Variants in FOXO3 observed in about 807,000 individuals in gnomAD.
FOXO3 encodes forkhead box O3, also known as forkhead box protein O3.
FOXO3 carries 4 observed loss-of-function variants against 41.9 expected under a neutral mutation model. The ratio of observed to expected loss-of-function variants is 0.10; its 90% CI spans 0.05 to 0.22. The LOEUF is 0.22. FOXO3 is among the 10% of genes least tolerant of loss of function. The pLI is 1.00. For missense variants in FOXO3, 534 were observed against 906.8 expected, an observed-to-expected ratio of 0.59 and a Z score of 5.28; for synonymous variants, 318 against 389.3, an observed-to-expected ratio of 0.82 and a Z score of 2.16.
chr6:108,626,972 G>A (rs922964887), intron 1 of FOXO3, among the ~76,000 whole-genome samples: 4 of 152,188 alleles, frequency 2.6e-5, no homozygotes, highest in African/African-American at 9.7e-5. Context: ...GCCCTCTCAT[G>A]TGCTGACATA....
intron 2 of FOXO3, among the ~76,000 whole-genome samples, chr6:108,667,669 T>C (rs565129323): frequency 5.9e-5 from 9 of 152,350 alleles, no homozygotes; most frequent in African/African-American, 1.9e-4. Context: ...GTGATGATAA[T>C]AAATGACTGC....
In FOXO3 at chr6:108,682,855, G is replaced by C. The variant is rs933191890; in HGVS notation, c.*3063G>C. 6.5e-5 allele frequency: 10 copies of C among 152,772 alleles called. No homozygotes were observed. The East Asian group carries it at 1.9e-3, about 29-fold the overall frequency. 9.5% of individuals were successfully genotyped at this position (152,772 alleles called of 1,614,324 possible). On this transcript the variant is annotated 3_prime_UTR_variant, in exon 3 of 3. Transcript: ENST00000406360. ...CTTGGCCTCTAAATAAGCTGCTCTA[G>C]GGAGCCGCCTACTTTTTGATGAGAA... is the stretch of plus-strand genomic sequence containing the variant.
At chr6:108,612,993 CT>C (rs1777405615) in intron 1 of FOXO3, among the ~76,000 whole-genome samples, 1 of 152,138 alleles carries the variant, frequency 6.6e-6, no homozygotes, top group African/African-American at 2.4e-5. Flanking sequence ...TTGTCAGATG[CT>C]TTTTCCTCAC....
chr6:108,626,985 G>C (rs932944627), intron 1 of FOXO3, among the ~76,000 whole-genome samples: 1 of 152,178 alleles, frequency 6.6e-6, no homozygotes, highest in African/African-American at 2.4e-5. Context: ...CTGACATACT[G>C]ATTGATGGTG....
At chr6:108,601,168 C>T (rs1038315124) in intron 1 of FOXO3, among the ~76,000 whole-genome samples, 9 of 151,874 alleles carry the variant, frequency 5.9e-5, no homozygotes, top group Non-Finnish European at 1.5e-5. Context: ...CCACCATGCC[C>T]GGCTAATTTT....
chr6:108,563,349 A>G (rs1407337871), intron 1 of FOXO3, among the ~76,000 whole-genome samples: 1 of 152,240 alleles, frequency 6.6e-6, no homozygotes, highest in African/African-American at 2.4e-5. Flanking sequence ...TATGAGTCTT[A>G]TATTTGGTTT....
intron 1 of FOXO3, among the ~76,000 whole-genome samples, chr6:108,583,932 G>GTGACC (rs1415145061): frequency 0.01 from 1,560 of 152,336 alleles, 30 homozygotes; most frequent in African/African-American, 0.035. Flanking sequence ...CAGATGGTTG[G>GTGACC]AAGTTCTGGT....
At chr6:108,656,002 C>G (rs949190289) in intron 1 of FOXO3, among the ~76,000 whole-genome samples, 1 of 152,098 alleles carries the variant, frequency 6.6e-6, no homozygotes, top group Non-Finnish European at 1.5e-5. Context: ...GTGCTTTCCC[C>G]TGAAATTCCT....
At chr6:108,672,015 G>A (rs1779228437) in intron 2 of FOXO3, among the ~76,000 whole-genome samples, 1 of 152,218 alleles carries the variant, frequency 6.6e-6, no homozygotes, top group South Asian at 2.1e-4. Context: ...GGTGTCCACA[G>A]GGGCTAGCAG....
At chr6:108,650,811 G>A (rs1450319456) in intron 1 of FOXO3, among the ~76,000 whole-genome samples, 3 of 152,158 alleles carry the variant, frequency 2.0e-5, no homozygotes, top group Admixed American at 1.3e-4. Flanking sequence ...TACTGGAAAT[G>A]TCCTTTCTTT....
Position 108,615,997 on chromosome 6 carries a change from T to C in FOXO3, c.622-47458T>C, listed in dbSNP as rs117331555. On this transcript the variant is annotated intron_variant, in intron 1 of 2. Transcript: ENST00000406360. ...CATAGAGTATATTTATAATTTTTTT[T>C]TTTCCTTTGAGAATGAGTCTCACTC... 8.7e-3 allele frequency among the ~76,000 whole-genome samples: 1,329 copies of C among 151,894 alleles called. 12 individuals carry two copies. Among genetic ancestry groups the C allele is most frequent in the Non-Finnish European group, 0.014 (954 of 67,938 alleles).
At chr6:108,592,899 A>G (rs1222625009) in intron 1 of FOXO3, among the ~76,000 whole-genome samples, 4 of 152,162 alleles carry the variant, frequency 2.6e-5, no homozygotes, top group Non-Finnish European at 5.9e-5. Context: ...TTCTTAGTGC[A>G]CTCATTGCTC....
chr6:108,656,619 C>A, intron 1 of FOXO3: 1 of 497,288 alleles, frequency 2.0e-6, no homozygotes, highest in Non-Finnish European at 2.6e-6. Context: ...TGGCACTTCA[C>A]TGAGTAGTTT....
At chr6:108,607,076 C>T (rs1373932328) in intron 1 of FOXO3, among the ~76,000 whole-genome samples, 1 of 152,164 alleles carries the variant, frequency 6.6e-6, no homozygotes, top group Admixed American at 6.5e-5. Context: ...TAATTATTAA[C>T]TTGTATGTTT....
At chr6:108,569,439 C>T (rs923696479) in intron 1 of FOXO3, among the ~76,000 whole-genome samples, 4 of 152,210 alleles carry the variant, frequency 2.6e-5, no homozygotes, top group Non-Finnish European at 4.4e-5. Flanking sequence ...TGATGTACCA[C>T]TCTTGGTAAA....
intron 1 of FOXO3, among the ~76,000 whole-genome samples, chr6:108,606,288 C>T (rs184366322): frequency 1.3e-5 from 2 of 152,298 alleles, no homozygotes; most frequent in Admixed American, 1.3e-4. Flanking sequence ...CTCTCTGAAT[C>T]CAGTTCCACA....
chr6:108,684,415 C>G lies in FOXO3; in HGVS notation c.*4623C>G, dbSNP rs1770986632. On this transcript the variant is annotated 3_prime_UTR_variant, in exon 3 of 3. Transcript: ENST00000406360. ...ATCTGTTTCAATTCCTTGCTCATAT[C>G]CCATATAATCTAGAACTAAATATGG... 6.6e-6 allele frequency: 1 copy of G among 152,042 alleles called. No homozygotes were observed. The highest frequency in any genetic ancestry group is 6.6e-5 in the Admixed American group (1 of 15,262). 9.4% of individuals were successfully genotyped at this position (152,042 alleles called of 1,614,324 possible).
At chr6:108,587,609 C>T (rs1280918124) in intron 1 of FOXO3, among the ~76,000 whole-genome samples, 1 of 152,186 alleles carries the variant, frequency 6.6e-6, no homozygotes, top group Admixed American at 6.5e-5. Context: ...TCAGTGTTGG[C>T]CTTGTTTTTT....
Position 108,663,855 on chromosome 6 carries a change from C to A in FOXO3, c.1022C>A (p.Ala341Glu). 6.2e-7 allele frequency: 1 copy of A among 1,613,786 alleles called. No individual in the cohort carries two copies. Among genetic ancestry groups the A allele is most frequent in the Non-Finnish European group, 8.5e-7 (1 of 1,179,724 alleles). Reference protein sequence around the residue: ...TELDEVQDDDAPLSPMLYSSS... With the variant: ...TELDEVQDDDEPLSPMLYSSS... ...TTGGATGAAGTCCAGGACGATGATG[C>A]GCCTCTCTCGCCCATGCTCTACAGC... Residue 341 changes from alanine (A) to glutamate (E), a missense_variant, in exon 2 of 3, where the codon GCG becomes GAG. This residue lies in a region of FOXO3 where 185 missense variants were observed against 224.9 expected (regional missense o/e 0.82). Transcript: ENST00000406360.
Sources: allele counts gnomAD v4.1 joint callset (sites outside exome capture counted in the v4.1 genomes callset), GRCh38; gene constraint gnomAD v4.1.1; regional missense constraint gnomAD v4.1.1; transcripts MANE v1.5; gene names NCBI Gene and HGNC (gene_info 2026-07-23, HGNC 2026-07-21).